Variants in LYPLAL1 observed in about 807,000 individuals in gnomAD.
The protein encoded by LYPLAL1 is lysophospholipase like 1.
Under a neutral mutation model 19.7 loss-of-function variants are expected in LYPLAL1, and 23 were observed. The observed-to-expected ratio is 1.17, with a 90% CI of 0.84 to 1.65. The LOEUF (loss-of-function observed/expected upper bound fraction) is 1.65, where lower values mean the gene tolerates loss of function less well. Ranked by LOEUF, LYPLAL1 falls within the 40% of genes most tolerant of loss-of-function variation. The pLI is 0.00. For synonymous variants in LYPLAL1, 119 were observed against 96.3 expected (o/e 1.24, Z -1.38); for missense variants, 355 against 279.4 (o/e 1.27, Z -1.93).
At chr1:219,424,339 A>C in the LYPLAL1 span, among the ~76,000 whole-genome samples, 1 of 152,174 alleles carries the variant, frequency 6.6e-6, no homozygotes, top group Non-Finnish European at 1.5e-5. Context: ...TCAAATTTCA[A>C]ATGGCTTAAA....
the LYPLAL1 span, among the ~76,000 whole-genome samples, chr1:219,328,014 C>G: frequency 2.6e-5 from 4 of 152,114 alleles, no homozygotes; most frequent in Admixed American, 2.6e-4. Context: ...ACTGTTCTTT[C>G]AAGACGAGAA....
the LYPLAL1 span, among the ~76,000 whole-genome samples, chr1:219,234,561 A>T: frequency 1.3e-5 from 2 of 152,126 alleles, no homozygotes; most frequent in Non-Finnish European, 2.9e-5. Flanking sequence ...AAAATATTGA[A>T]AGTTATATAA....
intron 2 of LYPLAL1, among the ~76,000 whole-genome samples, chr1:219,184,250 T>A (rs1281725032): frequency 2.0e-5 from 3 of 151,938 alleles, no homozygotes; most frequent in Non-Finnish European, 4.4e-5. Flanking sequence ...AGAAGTCTTT[T>A]GCTAAATTTA....
chr1:219,306,783 T>C, the LYPLAL1 span, among the ~76,000 whole-genome samples: 3 of 150,780 alleles, frequency 2.0e-5, no homozygotes, highest in Non-Finnish European at 1.5e-5. Flanking sequence ...GATAGATAGA[T>C]AGATACATAG....
At chr1:219,240,036 A>G in the LYPLAL1 span, among the ~76,000 whole-genome samples, 1 of 152,244 alleles carries the variant, frequency 6.6e-6, no homozygotes, top group Admixed American at 6.5e-5. Flanking sequence ...GCAGTCTGAA[A>G]TGTTGAGGTC....
the LYPLAL1 span, among the ~76,000 whole-genome samples, chr1:219,231,983 A>T: frequency 2.6e-5 from 4 of 152,206 alleles, no homozygotes; most frequent in Non-Finnish European, 4.4e-5. Context: ...TCCATGACAC[A>T]TGTCTTGAGA....
chr1:219,244,911 CAAAAAA>C, the LYPLAL1 span, among the ~76,000 whole-genome samples: 2 of 123,154 alleles, frequency 1.6e-5, no homozygotes, highest in Non-Finnish European at 3.3e-5. Flanking sequence ...CATGCCACTG[CAAAAAA>C]AAAAAAAAAA....
the LYPLAL1 span, among the ~76,000 whole-genome samples, chr1:219,427,165 T>C: frequency 6.6e-6 from 1 of 152,214 alleles, no homozygotes; most frequent in African/African-American, 2.4e-5. Context: ...GTAAAAAATC[T>C]TCATCAATGT....
the LYPLAL1 span, among the ~76,000 whole-genome samples, chr1:219,442,804 G>A: frequency 1.3e-5 from 2 of 152,112 alleles, no homozygotes; most frequent in African/African-American, 4.8e-5. Flanking sequence ...ATTTTGGAAG[G>A]GCCCTGGGAT....
the LYPLAL1 span, among the ~76,000 whole-genome samples, chr1:219,220,671 T>A: frequency 6.6e-6 from 1 of 152,190 alleles, no homozygotes. Context: ...ATGACATTTC[T>A]GGAGTCGATT....
chr1:219,406,829 T>C, the LYPLAL1 span, among the ~76,000 whole-genome samples: 154 of 152,328 alleles, frequency 1.0e-3, 1 homozygote, highest in African/African-American at 3.4e-3. Flanking sequence ...CCCTGACTTA[T>C]GTGTTCTTCC....
At chr1:219,299,428 A>G in the LYPLAL1 span, among the ~76,000 whole-genome samples, 6 of 152,330 alleles carry the variant, frequency 3.9e-5, no homozygotes, top group South Asian at 2.1e-4. Context: ...ACAGACTCAA[A>G]GAGATATCTG....
At chr1:219,308,773 T>G in the LYPLAL1 span, among the ~76,000 whole-genome samples, 5 of 152,320 alleles carry the variant, frequency 3.3e-5, no homozygotes, top group East Asian at 9.6e-4. Context: ...GGCAGAAGTT[T>G]GCTGCAGGAG....
the LYPLAL1 span, among the ~76,000 whole-genome samples, chr1:219,265,274 AT>A: frequency 8.5e-5 from 13 of 152,232 alleles, no homozygotes; most frequent in Admixed American, 3.3e-4. Context: ...CACATAAATA[AT>A]AAAGGCTTAT....
chr1:219,431,184 A>G, the LYPLAL1 span, among the ~76,000 whole-genome samples: 6 of 152,294 alleles, frequency 3.9e-5, no homozygotes, highest in Non-Finnish European at 8.8e-5. Context: ...GATGGTTAAG[A>G]AGCCAGCTGG....
the LYPLAL1 span, chr1:219,225,352 C>T: frequency 6.6e-6 from 1 of 152,106 alleles, no homozygotes; most frequent in African/African-American, 2.4e-5. Context: ...ATAAAGAGCC[C>T]AGGACAGAAG....
the LYPLAL1 span, among the ~76,000 whole-genome samples, chr1:219,352,374 CG>C: frequency 6.6e-6 from 1 of 152,118 alleles, no homozygotes; most frequent in South Asian, 2.1e-4. Flanking sequence ...AAAAATTAGC[CG>C]GGCGCGGTGG....
intron 2 of LYPLAL1, 44 bp from the exon 3 acceptor site, chr1:219,193,038 C>T: frequency 2.2e-5 from 32 of 1,483,800 alleles, no homozygotes; most frequent in South Asian, 1.3e-4. Flanking sequence ...TTTCATATTC[C>T]CTTTTCCTTT....
chr1:219,408,164 T>C, the LYPLAL1 span, among the ~76,000 whole-genome samples: 1 of 152,154 alleles, frequency 6.6e-6, no homozygotes, highest in Non-Finnish European at 1.5e-5. Flanking sequence ...CAATAACCAC[T>C]CTTAAAGGTT....
Sources: gnomAD v4.1 joint callset for allele counts (sites outside exome capture counted in the v4.1 genomes callset) on GRCh38, gnomAD v4.1.1 for gene constraint, MANE v1.5 for transcripts, NCBI Gene and HGNC (gene_info 2026-07-23, HGNC 2026-07-21) for gene names.